Variants in ITPR1 observed in about 807,000 individuals in gnomAD.
ITPR1 encodes inositol 1,4,5-trisphosphate-gated calcium channel ITPR1.
In ITPR1, 96 loss-of-function variants were observed where a neutral mutation model predicts 318.4. The observed-to-expected ratio is 0.30, with a 90% CI of 0.26 to 0.36. ITPR1 has a LOEUF of 0.36. Among genes scored for constraint, ITPR1 ranks in the 10% least tolerant of loss-of-function variants. The probability of loss-of-function intolerance (pLI) is 1.00; values close to 1 mark genes in which losing one functional copy is unlikely to be tolerated. For missense variants in ITPR1, 2,440 were observed against 3,460.2 expected, an observed-to-expected ratio of 0.71 and a Z score of 7.40; for synonymous variants, 1,312 against 1,289.9, an observed-to-expected ratio of 1.02 and a Z score of -0.37.
intron 4 of ITPR1, among the ~76,000 whole-genome samples, chr3:4,521,828 C>G (rs1158950660): frequency 6.6e-6 from 1 of 152,118 alleles, no homozygotes; most frequent in Non-Finnish European, 1.5e-5. Context: ...CGAGATCGCA[C>G]CACTGTACTC....
chr3:4,642,211 A>G lies in ITPR1; in HGVS notation c.485A>G (p.Tyr162Cys). 1 of 1,589,736 alleles carries G rather than the reference A, an allele frequency of 6.3e-7. No homozygotes were observed. The highest frequency in any genetic ancestry group is 8.5e-7 in the Non-Finnish European group (1 of 1,171,266). The part of the protein sequence containing the change: ...DEAGNEGSWF[Y>C]IQPFYKLRSI... The stretch of plus-strand genomic sequence containing the variant: ...GCTGGAAATGAAGGGTCCTGGTTTT[A>G]TATTCAGCCATTCTACAAGCTGCGA... Residue 162 changes from tyrosine to cysteine, a missense_variant, in exon 7 of 62, where the codon TAT (tyrosine) becomes TGT (cysteine). Tyr to Cys is a radical substitution (Grantham distance 194). Transcript: ENST00000649015.
chr3:4,581,196 C>T (rs1011354217), intron 4 of ITPR1, among the ~76,000 whole-genome samples: 5 of 152,176 alleles, frequency 3.3e-5, no homozygotes, highest in African/African-American at 7.2e-5. Flanking sequence ...GTGTTTTTGC[C>T]GAGGCAGCAT....
chr3:4,808,558 C>G (rs2048734652), intron 55 of ITPR1, among the ~76,000 whole-genome samples: 1 of 152,208 alleles, frequency 6.6e-6, no homozygotes, highest in South Asian at 2.1e-4. Flanking sequence ...GCTGCCTCTC[C>G]TGTGCTTTGC....
At chr3:4,824,076 A>G (rs1013372673) in intron 60 of ITPR1, among the ~76,000 whole-genome samples, 1 of 152,184 alleles carries the variant, frequency 6.6e-6, no homozygotes, top group Non-Finnish European at 1.5e-5. Context: ...TACTCTGGCT[A>G]CTTCTGTAGG....
At chr3:4,748,392 T>G (rs2125340647) in intron 44 of ITPR1, among the ~76,000 whole-genome samples, 1 of 152,260 alleles carries the variant, frequency 6.6e-6, no homozygotes, top group South Asian at 2.1e-4. Context: ...CACTGCTTGG[T>G]TAGCCAATGA....
intron 34 of ITPR1, among the ~76,000 whole-genome samples, chr3:4,698,807 G>A (rs191552760): frequency 6.6e-6 from 1 of 152,208 alleles, no homozygotes; most frequent in African/African-American, 2.4e-5. Flanking sequence ...TTCAGCATAA[G>A]CAATTTTATC....
At chr3:4,754,048 T>TG (rs1553727648) in intron 44 of ITPR1, among the ~76,000 whole-genome samples, 15,494 of 90,298 alleles carry the variant, frequency 0.17, 1,610 homozygotes, top group East Asian at 0.41. Flanking sequence ...ACACAGAAAA[T>TG]GGGGGGGGGG....
rs775926729 is a variant in ITPR1 at position 4,653,828 on chromosome 3, T to C, written c.952-14T>C. The C allele has an allele frequency of 6.2e-7, 1 of 1,600,606 alleles. No individual in the cohort carries two copies. Among genetic ancestry groups the C allele is most frequent in the Non-Finnish European group, 8.5e-7 (1 of 1,170,488 alleles). ...AATGGATGTTTTAATTTCCTAATGA[T>C]TCTTTTTCATCAGGTAGACCCTGAC... is the stretch of plus-strand genomic sequence containing the variant. On this transcript the variant is annotated splice_polypyrimidine_tract_variant and intron_variant, in intron 11 of 61. Transcript: ENST00000649015.
Position 4,690,968 on chromosome 3 carries a change from A to G in ITPR1, c.3829-176A>G, listed in dbSNP as rs372194921. The stretch of plus-strand genomic sequence containing the variant: ...TGTATGTTTATTTATATGTCAATGA[A>G]AAAAGCTTACTAAAAAAGAAGGTAG... On this transcript the variant is annotated intron_variant, in intron 31 of 61. Coordinates refer to ENST00000649015, the MANE Select transcript of ITPR1 (RefSeq NM_001378452.1). Among the ~76,000 whole-genome samples the G allele has an allele frequency of 7.2e-5, 11 of 152,008 alleles. No homozygotes were observed. The East Asian group carries it at 1.3e-3, about 19-fold the overall frequency.
chr3:4,792,002 C>G (rs928712866), intron 52 of ITPR1, among the ~76,000 whole-genome samples: 1 of 152,212 alleles, frequency 6.6e-6, no homozygotes, highest in Non-Finnish European at 1.5e-5. Context: ...CTAATACCAA[C>G]GTGTTGATAG....
chr3:4,689,812 G>A (rs917111703), intron 31 of ITPR1, among the ~76,000 whole-genome samples: 2 of 152,158 alleles, frequency 1.3e-5, no homozygotes, highest in Admixed American at 1.3e-4. Flanking sequence ...TTTGAAAATT[G>A]ATAAATGGGC....
intron 4 of ITPR1, among the ~76,000 whole-genome samples, chr3:4,607,239 C>G (rs2091764750): frequency 6.6e-6 from 1 of 152,104 alleles, no homozygotes; most frequent in South Asian, 2.1e-4. Flanking sequence ...CTTGCTGCAT[C>G]AGAGTCTGCA....
At chr3:4,553,605 T>TC (rs1669611767) in intron 4 of ITPR1, among the ~76,000 whole-genome samples, 1 of 149,626 alleles carries the variant, frequency 6.7e-6, no homozygotes, top group Admixed American at 6.6e-5. Flanking sequence ...TAATTTCTTT[T>TC]TTTTTTTTTT....
At chr3:4,607,369 T>C (rs954200275) in intron 4 of ITPR1, among the ~76,000 whole-genome samples, 4 of 152,150 alleles carry the variant, frequency 2.6e-5, no homozygotes, top group Non-Finnish European at 5.9e-5. Context: ...CCGCTTGCCT[T>C]AGAATCACCT....
intron 4 of ITPR1, among the ~76,000 whole-genome samples, chr3:4,622,812 C>T (rs1017334861): frequency 6.6e-6 from 1 of 152,220 alleles, no homozygotes; most frequent in Non-Finnish European, 1.5e-5. Flanking sequence ...GTTTCTGGAG[C>T]ACTGGGGATT....
At chr3:4,782,924 T>G (rs2046927754) in intron 50 of ITPR1, among the ~76,000 whole-genome samples, 183 bp downstream of exon 50, 1 of 152,184 alleles carries the variant, frequency 6.6e-6, no homozygotes, top group South Asian at 2.1e-4. Flanking sequence ...TCCAGGACGT[T>G]TCCATTTTTC....
chr3:4,700,986 C>G (rs565400638), intron 35 of ITPR1, among the ~76,000 whole-genome samples: 1 of 152,188 alleles, frequency 6.6e-6, no homozygotes, highest in South Asian at 2.1e-4. Flanking sequence ...TACCTCCCAC[C>G]AGGTGTCTCC....
At chr3:4,542,913 T>C (rs2084603509) in intron 4 of ITPR1, among the ~76,000 whole-genome samples, 1 of 152,194 alleles carries the variant, frequency 6.6e-6, no homozygotes, top group African/African-American at 2.4e-5. Context: ...CTTCAGTACA[T>C]TTCAAAATGT....
At position 4,652,202 on chromosome 3, in the gene ITPR1, A is replaced by G. The variant is rs1559616909; in HGVS notation, c.935A>G (p.His312Arg). 1.9e-6 allele frequency: 3 copies of G among 1,611,720 alleles called. No homozygotes were observed. The highest frequency in any genetic ancestry group is 1.7e-6 in the Non-Finnish European group (2 of 1,178,936). Residue 312 changes from histidine (H) to arginine (R), a missense_variant, in exon 11 of 62, where the codon CAT becomes CGT. Physicochemically the swap from His to Arg is conservative, Grantham distance 29. Coordinates refer to ENST00000649015, the MANE Select transcript of ITPR1 (RefSeq NM_001378452.1). ...LFRFKHLATG[H>R]YLAAEVDPDF... The stretch of plus-strand genomic sequence containing the variant: ...CGTTTCAAGCATCTGGCCACGGGGC[A>G]TTACTTGGCAGCAGAGGTAAGTAGC...
Sources: allele counts gnomAD v4.1 joint callset (sites outside exome capture counted in the v4.1 genomes callset), GRCh38; gene constraint gnomAD v4.1.1; transcripts MANE v1.5; gene names NCBI Gene and HGNC (gene_info 2026-07-23, HGNC 2026-07-21).